SPPL3: variants seen among roughly 807,000 people sequenced by gnomAD.
The protein encoded by SPPL3 is signal peptide peptidase like 3.
In SPPL3, 5 loss-of-function variants were observed where a neutral mutation model predicts 42.4. The observed-to-expected ratio is 0.12, with a 90% CI of 0.06 to 0.25. The LOEUF (loss-of-function observed/expected upper bound fraction) is 0.25. Ranked by LOEUF, SPPL3 falls within the 10% of genes least tolerant of loss-of-function variation. The probability of loss-of-function intolerance (pLI) is 1.00; values close to 1 mark genes in which losing one functional copy is unlikely to be tolerated. For synonymous variants in SPPL3, 195 were observed against 181.8 expected (o/e 1.07, Z -0.58); for missense variants, 235 against 489.0 (o/e 0.48, Z 4.90).
chr12:120,819,908 C>A (rs11829904), intron 1 of SPPL3, among the ~76,000 whole-genome samples: 20,312 of 151,982 alleles, frequency 0.13, 2,161 homozygotes, highest in African/African-American at 0.3. Context: ...CAGGTGAGGG[C>A]GCACCAGAGG....
At position 120,813,003 on chromosome 12, in the gene SPPL3, T is replaced by C. The variant is rs141623784; in HGVS notation, c.24-2117A>G. ...TGACCACTGGGTAAAGTGGTGAGGA[T>C]GGAGTCAGATTGAAATTGGGTGAGA... On this transcript the variant is annotated intron_variant, in intron 1 of 10. Transcript: ENST00000353487. Among the ~76,000 whole-genome samples, 11 of 152,226 alleles carry C rather than the reference T, an allele frequency of 7.2e-5. No homozygotes were observed. In the East Asian group the frequency reaches 2.1e-3, roughly 29 times the overall value.
Position 120,783,746 on chromosome 12 carries a change from G to C in SPPL3, c.317C>G (p.Ala106Gly), listed in dbSNP as rs746034975. The C allele has an allele frequency of 1.9e-6, 3 of 1,613,446 alleles. No individual in the cohort carries two copies. Among genetic ancestry groups the C allele is most frequent in the Admixed American group, 1.7e-5 (1 of 60,010 alleles). ...VVFTICTAVL[A>G]TIAFAFLLLP... ...GAGAAGAAAAGCAAAAGCTATCGTT[G>C]CAAGAACTAGAGAAAGAAAAGGTAT... Residue 106 changes from alanine to glycine, a missense_variant, in exon 5 of 11, where the codon GCA (alanine) becomes GGA (glycine). Ala to Gly is a moderately conservative substitution (Grantham distance 60). Coordinates refer to ENST00000353487, the MANE Select transcript of SPPL3 (RefSeq NM_139015.5).
intron 1 of SPPL3, among the ~76,000 whole-genome samples, chr12:120,834,515 GCAGAGGAGAAC>G (rs1871542460): frequency 3.9e-5 from 6 of 152,160 alleles, no homozygotes; most frequent in Admixed American, 3.9e-4. Context: ...GAGGTGGGAA[GCAGAGGAGAAC>G]CATGGATGTT....
intron 1 of SPPL3, among the ~76,000 whole-genome samples, chr12:120,851,710 A>G (rs185550152): frequency 2.6e-5 from 4 of 152,026 alleles, no homozygotes; most frequent in African/African-American, 9.6e-5. Flanking sequence ...GTCAGGTGAT[A>G]CTCCCAGCTC....
At chr12:120,774,407 G>A (rs1318683317) in intron 6 of SPPL3, among the ~76,000 whole-genome samples, 1 of 152,156 alleles carries the variant, frequency 6.6e-6, no homozygotes, top group African/African-American at 2.4e-5. Context: ...ATAAACTCAG[G>A]AGGCACAACC....
chr12:120,840,277 CAAAAAAAAAAAA>C (rs533134400), intron 1 of SPPL3, among the ~76,000 whole-genome samples: 2 of 44,178 alleles, frequency 4.5e-5, no homozygotes, highest in African/African-American at 8.9e-5. Context: ...GACTCTGTCT[CAAAAAAAAAAAA>C]AAAAAAAAAA....
At chr12:120,885,931 C>A (rs149036551) in intron 1 of SPPL3, among the ~76,000 whole-genome samples, 2 of 149,936 alleles carry the variant, frequency 1.3e-5, no homozygotes, top group Admixed American at 1.3e-4. Flanking sequence ...TTCAGCTCAC[C>A]GCAACCTCCA....
At chr12:120,839,068 T>C (rs759429503) in intron 1 of SPPL3, among the ~76,000 whole-genome samples, 2 of 152,082 alleles carry the variant, frequency 1.3e-5, no homozygotes, top group Admixed American at 6.6e-5. Flanking sequence ...CGTATGTTTA[T>C]TGTGGCACTC....
At chr12:120,861,625 G>A (rs553689192) in intron 1 of SPPL3, among the ~76,000 whole-genome samples, 8 of 152,104 alleles carry the variant, frequency 5.3e-5, no homozygotes, top group Non-Finnish European at 1.2e-4. Flanking sequence ...TCCTAGCAGC[G>A]GACTGAGTCC....
chr12:120,818,088 C>CA lies in SPPL3; in HGVS notation c.24-7203dup, dbSNP rs1323336580. Reference sequence around the variant, plus strand: ...TACATTTCAGACTCTACCAAAGCATCAACAGAAATGTGTCATTCTTCAGGC... The same window carrying CA: ...TACATTTCAGACTCTACCAAAGCATCAAACAGAAATGTGTCATTCTTCAGGC... On this transcript the variant is annotated intron_variant, in intron 1 of 10. Transcript: ENST00000353487. 3.3e-5 allele frequency among the ~76,000 whole-genome samples: 5 copies of CA among 152,198 alleles called. No individual in the cohort carries two copies. In the South Asian group the frequency reaches 8.3e-4, roughly 25 times the overall value.
At chr12:120,815,355 T>G (rs1323145779) in intron 1 of SPPL3, among the ~76,000 whole-genome samples, 6 of 152,240 alleles carry the variant, frequency 3.9e-5, no homozygotes, top group Non-Finnish European at 5.9e-5. Context: ...TGCATTAAAA[T>G]TGTAATTAAA....
chr12:120,766,100 GCACACACACA>G (rs111837123), intron 10 of SPPL3, among the ~76,000 whole-genome samples, 153 bp downstream of exon 10: 447 of 84,134 alleles, frequency 5.3e-3, no homozygotes, highest in Non-Finnish European at 6.6e-3. Context: ...GCGCGCGCGC[GCACACACACA>G]CACACACACA....
chr12:120,853,976 G>GCA (rs1246999754), intron 1 of SPPL3, among the ~76,000 whole-genome samples: 16 of 64,194 alleles, frequency 2.5e-4, no homozygotes, highest in East Asian at 2.4e-3. Flanking sequence ...CCACACACAC[G>GCA]CACACATACA....
intron 1 of SPPL3, among the ~76,000 whole-genome samples, chr12:120,814,693 C>A (rs1250985460): frequency 6.6e-6 from 1 of 152,102 alleles, no homozygotes; most frequent in African/African-American, 2.4e-5. Flanking sequence ...CTAGTCATCA[C>A]CCAACCCCCA....
chr12:120,828,622 A>G (rs73229149), intron 1 of SPPL3, among the ~76,000 whole-genome samples: 6,356 of 152,336 alleles, frequency 0.042, 185 homozygotes, highest in South Asian at 0.11. Context: ...TGATTTAAAC[A>G]CTTACTATAA....
chr12:120,778,407 G>A (rs1306739107), intron 6 of SPPL3, among the ~76,000 whole-genome samples: 5 of 151,950 alleles, frequency 3.3e-5, no homozygotes, highest in East Asian at 1.9e-4. Flanking sequence ...ATGAGCCACC[G>A]CGCCCGGCCT....
chr12:120,892,438 G>T (rs927846824), intron 1 of SPPL3, among the ~76,000 whole-genome samples: 4 of 152,138 alleles, frequency 2.6e-5, no homozygotes, highest in African/African-American at 9.7e-5. Flanking sequence ...AAACATTGCA[G>T]TCAGACCTTG....
At chr12:120,794,282 T>C (rs1214328987) in intron 2 of SPPL3, among the ~76,000 whole-genome samples, 1 of 151,344 alleles carries the variant, frequency 6.6e-6, no homozygotes, top group East Asian at 1.9e-4. Context: ...ATTTTTTTTT[T>C]AATCCTAACC....
intron 1 of SPPL3, among the ~76,000 whole-genome samples, chr12:120,833,556 G>A (rs1310624076): frequency 2.6e-5 from 4 of 151,444 alleles, no homozygotes; most frequent in African/African-American, 7.3e-5. Flanking sequence ...CAAGCCAGGC[G>A]CAGTGGCTCA....
Sources: gnomAD v4.1 joint callset for allele counts (sites outside exome capture counted in the v4.1 genomes callset) on GRCh38, gnomAD v4.1.1 for gene constraint, MANE v1.5 for transcripts, NCBI Gene and HGNC (gene_info 2026-07-23, HGNC 2026-07-21) for gene names.